The following MGAT4A variants were observed in gnomAD, a reference collection of about 807,000 sequenced individuals.
The protein encoded by MGAT4A is alpha-1,3-mannosyl-glycoprotein 4-beta-N-acetylglucosaminyltransferase A.
MGAT4A carries 33 observed loss-of-function variants against 74.1 expected under a neutral mutation model. The observed-to-expected ratio is 0.45, with a 90% CI of 0.34 to 0.60. The LOEUF (loss-of-function observed/expected upper bound fraction) is 0.60. MGAT4A is among the 20% of genes least tolerant of loss of function. The probability of loss-of-function intolerance (pLI) is 0.02; values close to 1 mark genes in which losing one functional copy is unlikely to be tolerated. For synonymous variants in MGAT4A, 198 were observed against 210.4 expected (o/e 0.94, Z 0.51); for missense variants, 479 against 628.3 (o/e 0.76, Z 2.54).
intron 2 of MGAT4A, among the ~76,000 whole-genome samples, chr2:98,680,452 A>T (rs1318095774): frequency 6.6e-6 from 1 of 152,226 alleles, no homozygotes; most frequent in Non-Finnish European, 1.5e-5. Flanking sequence ...ACACTCAATT[A>T]TTCTGTTCCT....
At chr2:98,700,465 T>C (rs974984369) in intron 2 of MGAT4A, among the ~76,000 whole-genome samples, 9 of 151,696 alleles carry the variant, frequency 5.9e-5, no homozygotes, top group African/African-American at 2.2e-4. Flanking sequence ...TCAGAACCCC[T>C]TTACACTGTC....
intron 14 of MGAT4A, among the ~76,000 whole-genome samples, chr2:98,627,315 G>T (rs1183053288): frequency 6.6e-6 from 1 of 152,144 alleles, no homozygotes; most frequent in Non-Finnish European, 1.5e-5. Flanking sequence ...GCACCATTTT[G>T]TCTTGTAATT....
At chr2:98,715,317 CAAAAA>C (rs201860893) in intron 2 of MGAT4A, among the ~76,000 whole-genome samples, 1 of 63,256 alleles carries the variant, frequency 1.6e-5, no homozygotes, top group Non-Finnish European at 3.3e-5. Flanking sequence ...GACTTCATCT[CAAAAA>C]AAAAAAAAAA....
At chr2:98,701,708 G>C (rs1178748497) in intron 2 of MGAT4A, among the ~76,000 whole-genome samples, 3 of 152,166 alleles carry the variant, frequency 2.0e-5, no homozygotes, top group Non-Finnish European at 4.4e-5. Context: ...AGCAAGAAAG[G>C]CTGCTGACCA....
intron 2 of MGAT4A, among the ~76,000 whole-genome samples, chr2:98,704,610 A>T (rs1229500560): frequency 6.6e-6 from 1 of 152,040 alleles, no homozygotes; most frequent in Non-Finnish European, 1.5e-5. Context: ...CGTCTTAAAA[A>T]AGAAAAAATT....
intron 14 of MGAT4A, among the ~76,000 whole-genome samples, chr2:98,628,269 A>T (rs961019254): frequency 6.6e-6 from 1 of 152,240 alleles, no homozygotes; most frequent in Non-Finnish European, 1.5e-5. Flanking sequence ...TCAATTCCTC[A>T]GGAGCCAAGA....
intron 2 of MGAT4A, among the ~76,000 whole-genome samples, chr2:98,688,081 T>C (rs1702151403): frequency 6.6e-6 from 1 of 152,156 alleles, no homozygotes; most frequent in Admixed American, 6.5e-5. Context: ...TCCCATCCCA[T>C]CTGACTCCTC....
intron 4 of MGAT4A, among the ~76,000 whole-genome samples, chr2:98,664,746 T>C (rs1701799896): frequency 6.6e-6 from 1 of 152,216 alleles, no homozygotes; most frequent in African/African-American, 2.4e-5. Context: ...GCCACTATTA[T>C]AATTAGGTTC....
At chr2:98,689,054 A>T (rs2104300463) in intron 2 of MGAT4A, among the ~76,000 whole-genome samples, 1 of 152,348 alleles carries the variant, frequency 6.6e-6, no homozygotes, top group Non-Finnish European at 1.5e-5. Flanking sequence ...AAATGGAAGA[A>T]TGATAGAACC....
At chr2:98,689,105 A>G (rs1702163366) in intron 2 of MGAT4A, among the ~76,000 whole-genome samples, 1 of 152,220 alleles carries the variant, frequency 6.6e-6, no homozygotes, top group Non-Finnish European at 1.5e-5. Flanking sequence ...CACCACTATT[A>G]TATCATCTTT....
chr2:98,625,989 C>G (rs953409771), intron 14 of MGAT4A, among the ~76,000 whole-genome samples, 154 bp from the exon 15 acceptor site: 2 of 152,050 alleles, frequency 1.3e-5, no homozygotes, highest in Non-Finnish European at 2.9e-5. Flanking sequence ...TTTCTACTTT[C>G]ATTCAGCTTT....
At chr2:98,652,533 G>T (rs538449514) in intron 8 of MGAT4A, among the ~76,000 whole-genome samples, 1 of 152,082 alleles carries the variant, frequency 6.6e-6, no homozygotes, top group East Asian at 1.9e-4. Flanking sequence ...GAGTTTCACC[G>T]TGTTAGCCAG....
At chr2:98,648,723 A>C (rs11894932) in intron 8 of MGAT4A, among the ~76,000 whole-genome samples, 26,863 of 129,108 alleles carry the variant, frequency 0.21, 2,834 homozygotes, top group African/African-American at 0.37. Context: ...CCCTGTCTCC[A>C]AAAAAAAAAA....
chr2:98,660,753 T>G (rs928323155), intron 5 of MGAT4A, among the ~76,000 whole-genome samples: 2 of 152,078 alleles, frequency 1.3e-5, no homozygotes, highest in African/African-American at 4.8e-5. Flanking sequence ...GAACTTCAAC[T>G]CACGTGAAAT....
chr2:98,705,891 G>C (rs1164726928), intron 2 of MGAT4A, among the ~76,000 whole-genome samples: 1 of 147,458 alleles, frequency 6.8e-6, no homozygotes, highest in Non-Finnish European at 1.5e-5. Context: ...GCAGTGAGCC[G>C]AGATTGCGCC....
chr2:98,624,543 A>T lies in MGAT4A; in HGVS notation c.*1023T>A. Reference sequence around the variant, plus strand: ...AAACAATATTACAATTTTCTTTAAAATTATACCAATTATGACTCATACAAT... The same window carrying T: ...AAACAATATTACAATTTTCTTTAAATTTATACCAATTATGACTCATACAAT... On this transcript the variant is annotated 3_prime_UTR_variant, in exon 16 of 16. Transcript: ENST00000393487. 1.0e-6 allele frequency: 1 copy of T among 979,150 alleles called. No homozygotes were observed. The highest frequency in any genetic ancestry group is 4.7e-5 in the South Asian group (1 of 21,168). 60.7% of individuals were successfully genotyped at this position (979,150 alleles called of 1,614,324 possible). A position where few individuals can be genotyped will look rare whatever the true frequency, so the allele number is the denominator to read the frequency against.
intron 2 of MGAT4A, among the ~76,000 whole-genome samples, chr2:98,698,454 T>C (rs761223151): frequency 1.3e-5 from 2 of 152,230 alleles, no homozygotes; most frequent in Non-Finnish European, 2.9e-5. Context: ...AAATATGCTC[T>C]GAAATCTCCT....
At chr2:98,676,657 GA>G in intron 3 of MGAT4A, among the ~76,000 whole-genome samples, 1 of 152,144 alleles carries the variant, frequency 6.6e-6, no homozygotes, top group East Asian at 1.9e-4. Context: ...AATAACTGTA[GA>G]AAAAAATGTT....
chr2:98,665,151 A>G (rs912064324), intron 4 of MGAT4A, among the ~76,000 whole-genome samples: 1 of 151,958 alleles, frequency 6.6e-6, no homozygotes, highest in Non-Finnish European at 1.5e-5. Context: ...AACACGGTGA[A>G]ACCCTGTCTC....
Sources: allele counts gnomAD v4.1 joint callset (sites outside exome capture counted in the v4.1 genomes callset), GRCh38; gene constraint gnomAD v4.1.1; transcripts MANE v1.5; gene names NCBI Gene and HGNC (gene_info 2026-07-23, HGNC 2026-07-21).